FHIT: variants seen among roughly 807,000 people sequenced by gnomAD.
FHIT encodes fragile histidine triad diadenosine triphosphatase, also known as bis(5'-adenosyl)-triphosphatase.
FHIT carries 19 observed loss-of-function variants against 17.9 expected under a neutral mutation model. That is an observed-to-expected ratio of 1.06 (90% CI 0.74 to 1.56). The LOEUF is 1.56. Among genes scored for constraint, FHIT ranks in the 40% most tolerant of loss-of-function variants. The pLI, the probability that FHIT is intolerant of heterozygous loss-of-function variation, is 0.00. For missense variants in FHIT, 248 were observed against 189.2 expected (o/e 1.31, Z -1.82); for synonymous variants, 81 against 69.7 (o/e 1.16, Z -0.81).
intron 7 of FHIT, among the ~76,000 whole-genome samples, chr3:59,942,828 T>A (rs62238353): frequency 2.0e-5 from 3 of 151,958 alleles, no homozygotes; most frequent in Non-Finnish European, 4.4e-5. Flanking sequence ...TTTAAATTAT[T>A]TGTACAGACA....
At chr3:60,521,840 G>C (rs988156422) in intron 5 of FHIT, among the ~76,000 whole-genome samples, 1 of 152,146 alleles carries the variant, frequency 6.6e-6, no homozygotes, top group Non-Finnish European at 1.5e-5. Context: ...TGAGGCAGTA[G>C]AGCCATTGGC....
chr3:59,869,016 G>A (rs542513587), intron 8 of FHIT, among the ~76,000 whole-genome samples: 25 of 152,252 alleles, frequency 1.6e-4, no homozygotes, highest in African/African-American at 5.1e-4. Flanking sequence ...TGGAAAGGGG[G>A]ATACTATGAC....
chr3:59,990,106 T>C (rs1180358175), intron 7 of FHIT, among the ~76,000 whole-genome samples: 1 of 152,120 alleles, frequency 6.6e-6, no homozygotes, highest in Non-Finnish European at 1.5e-5. Context: ...TCAGCTAAAA[T>C]ATAAATATAA....
chr3:60,713,190 T>G (rs1215427203), intron 4 of FHIT, among the ~76,000 whole-genome samples: 2 of 151,582 alleles, frequency 1.3e-5, no homozygotes, highest in East Asian at 1.9e-4. Context: ...GGGTACATAA[T>G]GAAATGAAGG....
chr3:61,219,039 T>C (rs1310126540), intron 1 of FHIT, among the ~76,000 whole-genome samples: 1 of 152,230 alleles, frequency 6.6e-6, no homozygotes, highest in Non-Finnish European at 1.5e-5. Flanking sequence ...TATACACTTA[T>C]CCTATATGGT....
intron 5 of FHIT, among the ~76,000 whole-genome samples, chr3:60,448,645 C>G (rs1031425718): frequency 2.6e-5 from 4 of 152,104 alleles, no homozygotes; most frequent in Admixed American, 6.6e-5. Flanking sequence ...AGCTCTTAAC[C>G]GCATTGCTTT....
At chr3:59,815,492 A>C (rs996537945) in intron 8 of FHIT, among the ~76,000 whole-genome samples, 2 of 152,144 alleles carry the variant, frequency 1.3e-5, no homozygotes, top group Non-Finnish European at 2.9e-5. Context: ...AATGTCTATC[A>C]GTCAATAAGT....
At chr3:60,494,533 T>C (rs2034211549) in intron 5 of FHIT, among the ~76,000 whole-genome samples, 1 of 152,074 alleles carries the variant, frequency 6.6e-6, no homozygotes, top group East Asian at 2.0e-4. Flanking sequence ...CTACAGTCAC[T>C]CCGTTGCGCT....
At position 60,916,446 on chromosome 3, in the gene FHIT, G is replaced by A. The variant is rs1168148079; in HGVS notation, c.-110-94435C>T. Among the ~76,000 whole-genome samples the A allele has an allele frequency of 3.3e-5, 5 of 152,094 alleles. No homozygotes were observed. In the East Asian group the frequency reaches 7.7e-4, roughly 23 times the overall value. On this transcript the variant is annotated intron_variant, in intron 3 of 9. Transcript: ENST00000492590. The stretch of plus-strand genomic sequence containing the variant: ...AAAGTTCATCATTTTTCTGCCAACT[G>A]ATCCTTTCTCTCTTAAAAAGAGTCG...
At chr3:60,145,415 A>G (rs1230731232) in intron 5 of FHIT, among the ~76,000 whole-genome samples, 3 of 152,168 alleles carry the variant, frequency 2.0e-5, no homozygotes, top group Non-Finnish European at 4.4e-5. Flanking sequence ...GCAACAAATT[A>G]TTAGAAATTA....
chr3:59,965,970 C>G (rs1030490025), intron 7 of FHIT, among the ~76,000 whole-genome samples: 1 of 152,088 alleles, frequency 6.6e-6, no homozygotes, highest in African/African-American at 2.4e-5. Flanking sequence ...TCTTAAAGGC[C>G]TTTCTAGACT....
chr3:60,803,648 A>G (rs1485522878), intron 4 of FHIT, among the ~76,000 whole-genome samples: 1 of 152,184 alleles, frequency 6.6e-6, no homozygotes, highest in Non-Finnish European at 1.5e-5. Context: ...GGTGGGGAGC[A>G]GCGGGGATAT....
intron 5 of FHIT, among the ~76,000 whole-genome samples, chr3:60,224,234 T>C (rs1259130639): frequency 6.6e-6 from 1 of 152,080 alleles, no homozygotes; most frequent in Admixed American, 6.5e-5. Context: ...CAGAGGAGAA[T>C]CCATTCTTCC....
chr3:59,862,024 A>G (rs1250325000), intron 8 of FHIT, among the ~76,000 whole-genome samples: 1 of 152,210 alleles, frequency 6.6e-6, no homozygotes, highest in East Asian at 1.9e-4. Context: ...GAAAAAAAAA[A>G]ACCTGTAACT....
chr3:60,605,352 G>C (rs1221660995), intron 4 of FHIT, among the ~76,000 whole-genome samples: 1 of 152,156 alleles, frequency 6.6e-6, no homozygotes, highest in Admixed American at 6.5e-5. Context: ...GCTCTGGTGA[G>C]AACACATCAA....
At chr3:59,932,610 C>G (rs896999285) in intron 7 of FHIT, among the ~76,000 whole-genome samples, 1 of 152,172 alleles carries the variant, frequency 6.6e-6, no homozygotes, top group African/African-American at 2.4e-5. Context: ...AAGCCACTCA[C>G]TTTTGGGGGC....
chr3:60,967,830 T>C (rs1332779490), intron 3 of FHIT, among the ~76,000 whole-genome samples: 1 of 152,202 alleles, frequency 6.6e-6, no homozygotes, highest in Non-Finnish European at 1.5e-5. Flanking sequence ...GCCCACGGTA[T>C]ATAATCTACA....
At chr3:60,017,267 G>C (rs1052395030) in intron 5 of FHIT, among the ~76,000 whole-genome samples, 2 of 152,148 alleles carry the variant, frequency 1.3e-5, no homozygotes, top group Admixed American at 6.5e-5. Flanking sequence ...AAGCAGACGA[G>C]ACCTACAATC....
chr3:60,102,282 TTAAATA>T (rs1218217794), intron 5 of FHIT, among the ~76,000 whole-genome samples: 1 of 152,210 alleles, frequency 6.6e-6, no homozygotes, highest in Non-Finnish European at 1.5e-5. Flanking sequence ...CAAAGCCTGC[TTAAATA>T]TAATAACTAC....
Sources: allele counts gnomAD v4.1 joint callset (sites outside exome capture counted in the v4.1 genomes callset), GRCh38; gene constraint gnomAD v4.1.1; transcripts MANE v1.5; gene names NCBI Gene and HGNC (gene_info 2026-07-23, HGNC 2026-07-21).